The following PTPRR variants were observed in gnomAD, a reference collection of about 807,000 sequenced individuals.
The protein encoded by PTPRR is protein tyrosine phosphatase receptor type R.
PTPRR carries 38 observed loss-of-function variants against 77.2 expected under a neutral mutation model. That is an observed-to-expected ratio of 0.49 (90% CI 0.38 to 0.65). PTPRR has a LOEUF of 0.65. PTPRR is among the 30% of genes least tolerant of loss of function. The probability of loss-of-function intolerance (pLI) is 0.00; values close to 1 mark genes in which losing one functional copy is unlikely to be tolerated. For missense variants in PTPRR, 744 were observed against 799.2 expected (o/e 0.93, Z 0.83); for synonymous variants, 299 against 283.1 (o/e 1.06, Z -0.57).
At chr12:70,797,074 TAA>T (rs1891528396) in intron 2 of PTPRR, among the ~76,000 whole-genome samples, 1 of 152,312 alleles carries the variant, frequency 6.6e-6, no homozygotes, top group Admixed American at 6.5e-5. Flanking sequence ...GGAGTATGGA[TAA>T]GTCGTATCCT....
At chr12:70,658,422 G>A (rs1482940572) in intron 12 of PTPRR, among the ~76,000 whole-genome samples, 3 of 152,182 alleles carry the variant, frequency 2.0e-5, no homozygotes, top group Non-Finnish European at 4.4e-5. Flanking sequence ...TCAGAGGAGT[G>A]GCTCTCTTTT....
chr12:70,730,441 G>T (rs976895958), intron 6 of PTPRR, among the ~76,000 whole-genome samples: 1 of 152,116 alleles, frequency 6.6e-6, no homozygotes, highest in African/African-American at 2.4e-5. Flanking sequence ...GACCCTGGAG[G>T]AGGAGGTTGC....
chr12:70,783,775 T>G (rs57466462), intron 2 of PTPRR, among the ~76,000 whole-genome samples: 55,003 of 150,356 alleles, frequency 0.37, 12,560 homozygotes, highest in African/African-American at 0.65. Context: ...ACACCTGCAG[T>G]TCAGCACCCA....
intron 12 of PTPRR, among the ~76,000 whole-genome samples, chr12:70,658,010 A>C (rs911024998): frequency 6.6e-6 from 1 of 152,152 alleles, no homozygotes; most frequent in Non-Finnish European, 1.5e-5. Flanking sequence ...ATCATTCCCT[A>C]CTCAAAACCT....
intron 13 of PTPRR, among the ~76,000 whole-genome samples, chr12:70,641,554 C>G (rs575063597): frequency 6.6e-6 from 1 of 152,302 alleles, no homozygotes; most frequent in South Asian, 2.1e-4. Context: ...GATGGAGAAG[C>G]ATACTCATTA....
intron 2 of PTPRR, among the ~76,000 whole-genome samples, chr12:70,854,539 G>C (rs547540526): frequency 1.3e-5 from 2 of 152,288 alleles, no homozygotes; most frequent in South Asian, 4.1e-4. Flanking sequence ...TTTACTCCAA[G>C]GCTCCTTAGC....
intron 5 of PTPRR, among the ~76,000 whole-genome samples, chr12:70,752,562 C>T (rs1018885019): frequency 6.6e-6 from 1 of 152,180 alleles, no homozygotes; most frequent in Admixed American, 6.5e-5. Flanking sequence ...TAATAGCAAG[C>T]TCTGCTCTGT....
At chr12:70,639,543 G>C in intron 13 of PTPRR, 4 of 1,160,506 alleles carry the variant, frequency 3.4e-6, no homozygotes, top group Non-Finnish European at 3.2e-6. Flanking sequence ...TGGGGAGGTG[G>C]TACAGCCTAA....
chr12:70,682,237 G>A (rs1001222621), intron 10 of PTPRR, among the ~76,000 whole-genome samples: 1 of 151,180 alleles, frequency 6.6e-6, no homozygotes, highest in Non-Finnish European at 1.5e-5. Context: ...TAGAGACGGG[G>A]TTTCACCGTG....
intron 4 of PTPRR, among the ~76,000 whole-genome samples, chr12:70,755,706 A>G (rs4760799): frequency 0.95 from 144,097 of 152,164 alleles, 68,710 homozygotes; most frequent in East Asian, 1. Context: ...AATGATTTAG[A>G]TATGTATTTT....
intron 2 of PTPRR, chr12:70,789,094 T>C (rs1405578672): frequency 2.2e-6 from 1 of 448,308 alleles, no homozygotes; most frequent in Non-Finnish European, 3.9e-6. Flanking sequence ...ATGGGGATTT[T>C]TTTTTTCCAT....
chr12:70,691,446 T>C (rs1290059868), intron 8 of PTPRR, among the ~76,000 whole-genome samples: 1 of 152,208 alleles, frequency 6.6e-6, no homozygotes, highest in Non-Finnish European at 1.5e-5. Context: ...AGGATTCAAC[T>C]TGACCCTCTT....
intron 13 of PTPRR, among the ~76,000 whole-genome samples, chr12:70,648,818 T>A (rs1886291148): frequency 6.6e-6 from 1 of 152,128 alleles, no homozygotes; most frequent in African/African-American, 2.4e-5. Context: ...GATCCCTTAA[T>A]GCCCTTCTAA....
intron 13 of PTPRR, 134 bp from the exon 14 acceptor site, chr12:70,639,411 C>T (rs1885912405): frequency 2.2e-6 from 3 of 1,379,014 alleles, no homozygotes; most frequent in South Asian, 2.9e-5. Context: ...CTTTTGTTAT[C>T]CCTCTTACCT....
chr12:70,790,708 C>G (rs1891407096), intron 2 of PTPRR, among the ~76,000 whole-genome samples: 1 of 152,096 alleles, frequency 6.6e-6, no homozygotes, highest in Non-Finnish European at 1.5e-5. Context: ...AATTCTCTTC[C>G]TTTCCGTAAC....
At chr12:70,702,037 G>A (rs1006097894) in intron 6 of PTPRR, among the ~76,000 whole-genome samples, 13 of 152,220 alleles carry the variant, frequency 8.5e-5, no homozygotes, top group African/African-American at 3.1e-4. Flanking sequence ...CTCTATTTAT[G>A]TGTATATGTA....
chr12:70,733,447 A>AAAAAAAAAAAAAAAAAAAAAT (rs1889742551), intron 6 of PTPRR, among the ~76,000 whole-genome samples: 2 of 76,774 alleles, frequency 2.6e-5, no homozygotes, highest in African/African-American at 9.9e-5. Context: ...AAAAAAAAAG[A>AAAAAAAAAAAAAAAAAAAAAT]AAGAAAAAAA....
At chr12:70,788,898 C>A in intron 2 of PTPRR, 1 of 1,486,254 alleles carries the variant, frequency 6.7e-7, no homozygotes, top group South Asian at 1.3e-5. Context: ...CCATAGCAAG[C>A]AGGACTAATC....
rs1229773639 is a variant in PTPRR, at chr12:70,920,612, G to A, written c.-222C>T. On this transcript the variant is annotated 5_prime_UTR_variant, in exon 1 of 14. Transcript: ENST00000283228. ...AGAGCAGTAGGAGGTTGCGGGTAAG[G>A]GGAACAGAAGCGCTCAGAGGCGGCA... 2 of 492,340 alleles carry A rather than the reference G, an allele frequency of 4.1e-6. No homozygotes were observed. Among genetic ancestry groups the A allele is most frequent in the African/African-American group, 1.9e-5 (1 of 51,286 alleles). 30.5% of individuals were successfully genotyped at this position (492,340 alleles called of 1,614,324 possible).
Sources: gnomAD v4.1 joint callset for allele counts (sites outside exome capture counted in the v4.1 genomes callset) on GRCh38, gnomAD v4.1.1 for gene constraint, MANE v1.5 for transcripts, NCBI Gene and HGNC (gene_info 2026-07-23, HGNC 2026-07-21) for gene names.